Variants in KLF8 observed in about 807,000 individuals in gnomAD.
KLF8 encodes KLF transcription factor 8, also known as Krueppel-like factor 8.
In KLF8, 10 loss-of-function variants were observed where a neutral mutation model predicts 18.2. The ratio of observed to expected loss-of-function variants is 0.55; its 90% confidence interval spans 0.34 to 0.93. The LOEUF is 0.93. Ranked by LOEUF, KLF8 falls within the 40% of genes least tolerant of loss-of-function variation. The pLI, the probability that KLF8 is intolerant of heterozygous loss-of-function variation, is 0.02. For missense variants in KLF8, 264 were observed against 277.9 expected, an observed-to-expected ratio of 0.95 and a Z score of 0.36; for synonymous variants, 109 against 97.3, an observed-to-expected ratio of 1.12 and a Z score of -0.71.
At chrX:56,215,653 T>C in the KLF8 span, among the ~76,000 whole-genome samples, 2 of 106,546 alleles carry the variant, frequency 1.9e-5, no homozygotes, top group Non-Finnish European at 3.8e-5. Flanking sequence ...TGAAACCCTG[T>C]ATCTACTAAA....
At chrX:55,908,734 C>T in the KLF8 span, 1 of 285,668 alleles carries the variant, frequency 3.5e-6, no homozygotes, top group Admixed American at 6.2e-5. Flanking sequence ...CAATCCCGGC[C>T]CCGCCCCGTC....
the KLF8 span, among the ~76,000 whole-genome samples, chrX:56,138,234 C>A: frequency 4.5e-5 from 5 of 110,470 alleles, no homozygotes; most frequent in African/African-American, 1.6e-4. Context: ...GAAATCACAC[C>A]AGATGTTTAA....
At chrX:56,203,610 A>G in the KLF8 span, among the ~76,000 whole-genome samples, 4 of 112,415 alleles carry the variant, frequency 3.6e-5, no homozygotes, top group South Asian at 1.5e-3. Flanking sequence ...GTATATGGTG[A>G]GAGAAAGGGG....
the KLF8 span, among the ~76,000 whole-genome samples, chrX:55,937,477 C>A: frequency 5.3e-5 from 6 of 112,661 alleles, no homozygotes; most frequent in African/African-American, 1.9e-4. Context: ...CTCTCCTCCT[C>A]CAAAGGAGCG....
At chrX:55,943,687 G>A in the KLF8 span, among the ~76,000 whole-genome samples, 1 of 112,135 alleles carries the variant, frequency 8.9e-6, no homozygotes, top group Non-Finnish European at 1.9e-5. Flanking sequence ...AGGCTATGGA[G>A]GAAAGCCAAT....
At chrX:55,969,456 C>T in the KLF8 span, among the ~76,000 whole-genome samples, 2 of 110,990 alleles carry the variant, frequency 1.8e-5, no homozygotes, top group Non-Finnish European at 3.8e-5. Flanking sequence ...TGAGAGCAGT[C>T]CTAATAGGGG....
chrX:55,976,570 A>ACACACACC, the KLF8 span, among the ~76,000 whole-genome samples: 1 of 4,380 alleles, frequency 2.3e-4, no homozygotes, highest in Non-Finnish European at 5.1e-3. Context: ...CCATTTGTGT[A>ACACACACC]CACACACACA....
chrX:56,167,828 C>T, the KLF8 span, among the ~76,000 whole-genome samples: 8 of 112,321 alleles, frequency 7.1e-5, no homozygotes, highest in Non-Finnish European at 1.5e-4. Context: ...TGTACTACCT[C>T]TTGATGACCT....
the KLF8 span, among the ~76,000 whole-genome samples, chrX:56,009,836 A>G: frequency 8.9e-6 from 1 of 112,385 alleles, no homozygotes; most frequent in Non-Finnish European, 1.9e-5. Context: ...ATAACCAACT[A>G]GTCCAACCAG....
the KLF8 span, among the ~76,000 whole-genome samples, chrX:56,034,748 CTTTTTTTTTTT>C: frequency 1.1e-4 from 6 of 53,834 alleles, no homozygotes; most frequent in Non-Finnish European, 1.6e-4. Context: ...GAACTTATTT[CTTTTTTTTTTT>C]TTTTTTTTTT....
chrX:56,051,479 C>G, the KLF8 span, among the ~76,000 whole-genome samples: 2 of 110,046 alleles, frequency 1.8e-5, no homozygotes, highest in African/African-American at 6.7e-5. Flanking sequence ...GACAAAATCT[C>G]TCAGCATTTG....
chrX:56,106,097 G>A, the KLF8 span, among the ~76,000 whole-genome samples: 4 of 111,337 alleles, frequency 3.6e-5, no homozygotes, highest in African/African-American at 6.5e-5. Flanking sequence ...CTGTTAGTCT[G>A]ATGGGCTTCC....
At chrX:56,161,356 A>G in the KLF8 span, among the ~76,000 whole-genome samples, 2 of 111,835 alleles carry the variant, frequency 1.8e-5, no homozygotes, top group African/African-American at 6.5e-5. Context: ...AATATCCTGC[A>G]GAGTGTTTTC....
intron 1 of KLF8, among the ~76,000 whole-genome samples, chrX:56,247,535 G>A (rs1022933252): frequency 8.9e-6 from 1 of 111,862 alleles, no homozygotes; most frequent in African/African-American, 3.2e-5. Flanking sequence ...ATCCTGTACA[G>A]CTGTACAAAA....
the KLF8 span, among the ~76,000 whole-genome samples, chrX:56,182,519 G>T: frequency 3.6e-5 from 4 of 112,529 alleles, no homozygotes; most frequent in Non-Finnish European, 3.7e-5. Flanking sequence ...GCGAGGAGCT[G>T]TGTTCCTTTG....
chrX:56,117,907 G>C, the KLF8 span, among the ~76,000 whole-genome samples: 1 of 111,626 alleles, frequency 9.0e-6, no homozygotes, highest in African/African-American at 3.3e-5. Context: ...GGTTCTGGAG[G>C]CTGGGAAGTC....
At chrX:55,952,399 G>T in the KLF8 span, among the ~76,000 whole-genome samples, 1 of 112,314 alleles carries the variant, frequency 8.9e-6, no homozygotes, top group Non-Finnish European at 1.9e-5. Flanking sequence ...AGTTCTGAAG[G>T]TCAGAACGCC....
the KLF8 span, among the ~76,000 whole-genome samples, chrX:55,915,339 C>T: frequency 9.0e-6 from 1 of 111,480 alleles, no homozygotes. Context: ...ATACAATCTA[C>T]ATTTTTAATC....
At chrX:55,938,639 G>A in the KLF8 span, among the ~76,000 whole-genome samples, 1 of 110,809 alleles carries the variant, frequency 9.0e-6, no homozygotes, top group Non-Finnish European at 1.9e-5. Flanking sequence ...CATCTCACGT[G>A]CAGAGACACA....
Sources: gnomAD v4.1 joint callset for allele counts (sites outside exome capture counted in the v4.1 genomes callset) on GRCh38, gnomAD v4.1.1 for gene constraint, MANE v1.5 for transcripts, NCBI Gene and HGNC (gene_info 2026-07-23, HGNC 2026-07-21) for gene names.